Variants in ESR1 observed in about 807,000 individuals in gnomAD.
ESR1 encodes estrogen receptor.
Under a neutral mutation model 52.7 loss-of-function variants are expected in ESR1, and 12 were observed. The observed-to-expected ratio is 0.23, with a 90% CI of 0.15 to 0.37. The LOEUF is 0.37. ESR1 is among the 10% of genes least tolerant of loss of function. The pLI is 1.00. For missense variants in ESR1, 584 were observed against 779.7 expected (o/e 0.75, Z 2.99); for synonymous variants, 305 against 316.8 (o/e 0.96, Z 0.39).
At chr6:152,010,648 A>G (rs896213554) in intron 4 of ESR1, among the ~76,000 whole-genome samples, 4 of 152,158 alleles carry the variant, frequency 2.6e-5, no homozygotes, top group African/African-American at 7.2e-5. Flanking sequence ...CAAATTCTCT[A>G]ATTAAGTGGA....
chr6:151,888,485 A>G (rs1291884190), intron 3 of ESR1, among the ~76,000 whole-genome samples: 1 of 152,142 alleles, frequency 6.6e-6, no homozygotes, highest in East Asian at 1.9e-4. Context: ...GTTAGTGTAT[A>G]GAAACACTAC....
At chr6:151,680,479 C>T (rs1778417046) in intron 1 of ESR1, among the ~76,000 whole-genome samples, 1 of 152,218 alleles carries the variant, frequency 6.6e-6, no homozygotes, top group Non-Finnish European at 1.5e-5. Context: ...GCTGGGGGGT[C>T]GTGAGCCACC....
At chr6:151,686,731 A>ACCAACCAG (rs1778704091), upstream of ESR1, among the ~76,000 whole-genome samples, 1 of 145,378 alleles carries the variant, frequency 6.9e-6, no homozygotes, top group Non-Finnish European at 1.5e-5. Context: ...CAACCAACCA[A>ACCAACCAG]CCAGCACCTA....
chr6:151,682,081 T>C (rs986372066), intron 1 of ESR1, among the ~76,000 whole-genome samples: 1 of 152,262 alleles, frequency 6.6e-6, no homozygotes, highest in African/African-American at 2.4e-5. Flanking sequence ...GTTTATCGGA[T>C]GCTTTAGTAT....
chr6:151,823,071 A>G (rs1364234245), intron 1 of ESR1, among the ~76,000 whole-genome samples: 1 of 152,250 alleles, frequency 6.6e-6, no homozygotes, highest in Non-Finnish European at 1.5e-5. Context: ...GTTAAATAAC[A>G]AATAACATTT....
At chr6:151,826,644 G>A (rs1781554570) in intron 1 of ESR1, among the ~76,000 whole-genome samples, 1 of 152,160 alleles carries the variant, frequency 6.6e-6, no homozygotes, top group African/African-American at 2.4e-5. Flanking sequence ...AGTGACCATG[G>A]TGGCTTGTCT....
intron 4 of ESR1, among the ~76,000 whole-genome samples, 172 bp from the exon 5 acceptor site, chr6:152,011,484 A>G (rs2128776583): frequency 6.6e-6 from 1 of 152,250 alleles, no homozygotes; most frequent in Middle Eastern, 3.4e-3. Context: ...ATTCATTGAG[A>G]TAGCTAGACT....
At chr6:152,051,007 A>G (rs1440662493) in intron 5 of ESR1, among the ~76,000 whole-genome samples, 1 of 152,202 alleles carries the variant, frequency 6.6e-6, no homozygotes, top group Admixed American at 6.5e-5. Context: ...GTAGATGTAG[A>G]GTAGATGCCA....
At chr6:152,028,404 G>C (rs1318767041) in intron 5 of ESR1, among the ~76,000 whole-genome samples, 7 of 152,202 alleles carry the variant, frequency 4.6e-5, no homozygotes, top group Non-Finnish European at 1.0e-4. Context: ...GCCAAGGAAA[G>C]GGGTGACAGA....
chr6:152,048,733 G>A (rs1016787817), intron 5 of ESR1, among the ~76,000 whole-genome samples: 1 of 152,084 alleles, frequency 6.6e-6, no homozygotes, highest in African/African-American at 2.4e-5. Flanking sequence ...CATATACAAT[G>A]GACTAAAAAA....
chr6:151,771,310 A>T (rs1400717574), intron 2 of ESR1, among the ~76,000 whole-genome samples: 1 of 152,216 alleles, frequency 6.6e-6, no homozygotes, highest in Non-Finnish European at 1.5e-5. Context: ...CTCTCTTAGT[A>T]GAAAAATTGG....
At chr6:151,988,119 C>T (rs886248637) in intron 4 of ESR1, among the ~76,000 whole-genome samples, 2 of 152,094 alleles carry the variant, frequency 1.3e-5, no homozygotes, top group Non-Finnish European at 2.9e-5. Flanking sequence ...AGGTACATTA[C>T]ATTAATTGTG....
intron 5 of ESR1, among the ~76,000 whole-genome samples, chr6:152,043,790 A>T (rs1463026244): frequency 1.3e-5 from 2 of 152,194 alleles, no homozygotes; most frequent in African/African-American, 4.8e-5. Context: ...GTCCTCCCGC[A>T]TGGCCCCATT....
chr6:152,080,384 T>C (rs2049095970), intron 6 of ESR1, among the ~76,000 whole-genome samples: 1 of 152,074 alleles, frequency 6.6e-6, no homozygotes, highest in South Asian at 2.1e-4. Flanking sequence ...CAACCCAGAA[T>C]CTCATATCCA....
chr6:152,096,135 C>T (rs1745131206), intron 7 of ESR1, among the ~76,000 whole-genome samples: 1 of 152,178 alleles, frequency 6.6e-6, no homozygotes, highest in Non-Finnish European at 1.5e-5. Context: ...AGTGATGACA[C>T]TAGAAGGACA....
chr6:152,112,772 G>A (rs1271746213), intron 6 of ESR1: 1 of 152,218 alleles, frequency 6.6e-6, no homozygotes, highest in Non-Finnish European at 1.5e-5. Flanking sequence ...AACGAACAAG[G>A]GAAACTGGAA....
chr6:151,794,922 A>T (rs1776542092), intron 2 of ESR1, among the ~76,000 whole-genome samples: 1 of 152,018 alleles, frequency 6.6e-6, no homozygotes, highest in Non-Finnish European at 1.5e-5. Flanking sequence ...TTTCGTCCAA[A>T]ACCTTTGGGC....
At chr6:151,953,124 A>G (rs570002215) in intron 4 of ESR1, among the ~76,000 whole-genome samples, 1 of 152,312 alleles carries the variant, frequency 6.6e-6, no homozygotes, top group East Asian at 1.9e-4. Context: ...TCCAAGATGC[A>G]TGTGGCTGAC....
intron 2 of ESR1, among the ~76,000 whole-genome samples, chr6:151,742,442 A>C (rs1168730543): frequency 6.6e-6 from 1 of 152,176 alleles, no homozygotes; most frequent in African/African-American, 2.4e-5. Flanking sequence ...TTTTGGTAAT[A>C]GAAGGGCAGG....
Sources: allele counts gnomAD v4.1 joint callset (sites outside exome capture counted in the v4.1 genomes callset), GRCh38; gene constraint gnomAD v4.1.1; transcripts MANE v1.5; gene names NCBI Gene and HGNC (gene_info 2026-07-23, HGNC 2026-07-21).